The following ANKIB1 variants were observed in gnomAD, a reference collection of about 807,000 sequenced individuals.
ANKIB1 encodes ankyrin repeat and IBR domain containing 1.
In ANKIB1, 43 loss-of-function variants were observed where a neutral mutation model predicts 122.1. The observed-to-expected ratio is 0.35, with a 90% CI of 0.28 to 0.45. ANKIB1 has a LOEUF of 0.45. Among genes scored for constraint, ANKIB1 ranks in the 20% least tolerant of loss-of-function variants. ANKIB1 has a pLI of 1.00. For missense variants in ANKIB1, 992 were observed against 1,329.5 expected (o/e 0.75, Z 3.95); for synonymous variants, 390 against 442.0 (o/e 0.88, Z 1.48).
chr7:92,318,073 TAATC>T (rs1051646159), intron 3 of ANKIB1, among the ~76,000 whole-genome samples: 9 of 152,284 alleles, frequency 5.9e-5, no homozygotes, highest in South Asian at 4.1e-4. Flanking sequence ...TAATTTTAGT[TAATC>T]AAGCTACTTA....
chr7:92,387,675 T>A (rs1585139227), intron 12 of ANKIB1, 123 bp from the exon 13 acceptor site: 4 of 643,182 alleles, frequency 6.2e-6, no homozygotes, highest in East Asian at 5.9e-5. Context: ...GTCAAGAAAA[T>A]AATTCGCAAA....
At position 92,390,337 on chromosome 7, in the gene ANKIB1, GT is replaced by G. The variant is rs1425383192; in HGVS notation, c.2052+222del. Reference sequence around the variant, plus strand: ...CTCTGCAGGTCTGAATGAGTTATGAGTGGTGCAAACATTTCCTGTAGCATTT... The same window carrying G: ...CTCTGCAGGTCTGAATGAGTTATGAGGGTGCAAACATTTCCTGTAGCATTT... On this transcript the variant is annotated intron_variant, in intron 15 of 19. Coordinates refer to ENST00000265742, the MANE Select transcript of ANKIB1 (RefSeq NM_019004.2). 2.0e-5 allele frequency among the ~76,000 whole-genome samples: 3 copies of G among 152,224 alleles called. No homozygotes were observed. In the East Asian group the frequency reaches 5.8e-4, roughly 29 times the overall value.
rs534082599 is a variant in ANKIB1 at position 92,324,501 on chromosome 7, T to C, written c.670-3282T>C. On this transcript the variant is annotated intron_variant, in intron 4 of 19. Transcript: ENST00000265742. ...CACCCACCTCGGCCTCCCAAAGTGC[T>C]GGGATTACAGGCGTGAGCCACCATG... Among the ~76,000 whole-genome samples, 146 of 152,348 alleles carry C rather than the reference T, an allele frequency of 9.6e-4. 2 individuals carry two copies. Among genetic ancestry groups the C allele is most frequent in the African/African-American group, 3.4e-3 (142 of 41,588 alleles).
chr7:92,354,508 G>A (rs577516365), intron 9 of ANKIB1, among the ~76,000 whole-genome samples: 98 of 152,132 alleles, frequency 6.4e-4, no homozygotes, highest in South Asian at 6.2e-4. Flanking sequence ...TTTGGACATA[G>A]CACCAGAGAG....
At chr7:92,317,864 A>C (rs1453058165) in intron 3 of ANKIB1, among the ~76,000 whole-genome samples, 2 of 152,248 alleles carry the variant, frequency 1.3e-5, no homozygotes, top group African/African-American at 4.8e-5. Context: ...AACTCATGCG[A>C]AATGAAAATC....
chr7:92,362,572 G>T (rs1404050503), intron 10 of ANKIB1, among the ~76,000 whole-genome samples: 1 of 152,072 alleles, frequency 6.6e-6, no homozygotes, highest in Admixed American at 6.6e-5. Flanking sequence ...TTTATCCTAG[G>T]GTGAGCCAAC....
At chr7:92,296,513 C>T (rs1420139068) in intron 2 of ANKIB1, among the ~76,000 whole-genome samples, 1 of 152,144 alleles carries the variant, frequency 6.6e-6, no homozygotes, top group Non-Finnish European at 1.5e-5. Flanking sequence ...AAATTTTGCT[C>T]TTCAAGATCC....
chr7:92,355,458 A>G (rs1803779700), intron 9 of ANKIB1, among the ~76,000 whole-genome samples: 1 of 152,160 alleles, frequency 6.6e-6, no homozygotes, highest in South Asian at 2.1e-4. Flanking sequence ...ACCAGTGTGA[A>G]TTGAAAACTG....
intron 7 of ANKIB1, among the ~76,000 whole-genome samples, chr7:92,346,472 G>GA (rs914392816): frequency 6.6e-6 from 1 of 151,924 alleles, no homozygotes; most frequent in East Asian, 1.9e-4. Context: ...TTTGGAGGGG[G>GA]AAAAAAATAC....
rs1397157953 is a variant in ANKIB1 at position 92,294,873 on chromosome 7, A to G, written c.-90-16A>G. The stretch of plus-strand genomic sequence containing the variant: ...ATTGTTTTACAATCTAATTTGAATA[A>G]CTTTTCCTTCATTAGAATGTGAAAG... On this transcript the variant is annotated splice_polypyrimidine_tract_variant and intron_variant, in intron 1 of 19. Transcript: ENST00000265742. The G allele has an allele frequency of 1.3e-6, 1 of 757,956 alleles. No individual in the cohort carries two copies. The highest frequency in any genetic ancestry group is 2.8e-5 in the East Asian group (1 of 35,612). 47.0% of individuals were successfully genotyped at this position (757,956 alleles called of 1,614,324 possible).
intron 4 of ANKIB1, among the ~76,000 whole-genome samples, chr7:92,325,120 C>T (rs1334386009): frequency 6.6e-6 from 1 of 152,140 alleles, no homozygotes; most frequent in South Asian, 2.1e-4. Flanking sequence ...AGGTTGGGGT[C>T]AGATTCTGTA....
At chr7:92,359,284 C>CA in intron 9 of ANKIB1, among the ~76,000 whole-genome samples, 1 of 152,140 alleles carries the variant, frequency 6.6e-6, no homozygotes, top group Admixed American at 6.5e-5. Flanking sequence ...ATGTGTTCTC[C>CA]TTGTTCAACT....
intron 11 of ANKIB1, among the ~76,000 whole-genome samples, chr7:92,382,074 A>T (rs1477601141): frequency 6.6e-6 from 1 of 152,208 alleles, no homozygotes; most frequent in Non-Finnish European, 1.5e-5. Context: ...AAAGCAAAAA[A>T]AAAAAGCAGG....
intron 11 of ANKIB1, among the ~76,000 whole-genome samples, chr7:92,375,365 A>G (rs946204356): frequency 1.2e-4 from 18 of 152,356 alleles, no homozygotes; most frequent in African/African-American, 2.9e-4. Flanking sequence ...TTTTAAAGTT[A>G]AAGTCAGTTC....
intron 3 of ANKIB1, 102 bp downstream of exon 3, chr7:92,307,758 CA>C: frequency 1.4e-6 from 1 of 698,924 alleles, no homozygotes. Flanking sequence ...GTAATTTGGT[CA>C]TTTTTTTTCT....
chr7:92,360,395 C>G (rs933487127), intron 9 of ANKIB1, among the ~76,000 whole-genome samples: 1 of 152,054 alleles, frequency 6.6e-6, no homozygotes, highest in African/African-American at 2.4e-5. Context: ...TAGCATGTAT[C>G]CAAATATTAT....
At position 92,391,275 on chromosome 7, in the gene ANKIB1, G is replaced by A. The variant is rs1168339483; in HGVS notation, c.2162G>A (p.Arg721Lys). 1.2e-6 allele frequency: 2 copies of A among 1,613,494 alleles called. No homozygotes were observed. Among genetic ancestry groups the A allele is most frequent in the East Asian group, 2.2e-5 (1 of 44,870 alleles). ...IKAACLVQQKRQEFLASVARG... is the reference protein window; with the variant it reads ...IKAACLVQQKKQEFLASVARG... ...GCAGCATGCCTTGTACAGCAGAAGA[G>A]GCAAGAATTCCTGGCATCTGTGGCT... Residue 721 changes from arginine to lysine, a missense_variant, in exon 16 of 20, where the codon AGG becomes AAG. Around this residue, in one of 4 missense-constraint regions of ANKIB1, gnomAD observed 521 missense variants for 777.7 expected, o/e 0.67. Transcript: ENST00000265742.
intron 3 of ANKIB1, among the ~76,000 whole-genome samples, chr7:92,311,657 A>G (rs1361071674): frequency 6.6e-6 from 1 of 152,102 alleles, no homozygotes; most frequent in African/African-American, 2.4e-5. Flanking sequence ...TACCATAGAA[A>G]TAAAATATTT....
chr7:92,312,083 T>A (rs545650496), intron 3 of ANKIB1, among the ~76,000 whole-genome samples: 197 of 152,242 alleles, frequency 1.3e-3, no homozygotes, highest in African/African-American at 4.4e-3. Context: ...CTCTTTTTTT[T>A]AAATTGCATC....
Sources: gnomAD v4.1 joint callset for allele counts (sites outside exome capture counted in the v4.1 genomes callset) on GRCh38, gnomAD v4.1.1 for gene constraint, gnomAD v4.1.1 regional missense constraint, MANE v1.5 for transcripts, NCBI Gene and HGNC (gene_info 2026-07-23, HGNC 2026-07-21) for gene names.